The following PAK5 variants were observed in gnomAD, a reference collection of about 807,000 sequenced individuals.
PAK5 encodes the protein serine/threonine-protein kinase PAK 5.
PAK5 carries 16 observed loss-of-function variants against 65.9 expected under a neutral mutation model. That is an observed-to-expected ratio of 0.24 (90% CI 0.16 to 0.37). The LOEUF (loss-of-function observed/expected upper bound fraction) is 0.37, where lower values mean the gene tolerates loss of function less well. Among genes scored for constraint, PAK5 ranks in the 10% least tolerant of loss-of-function variants. The pLI, the probability that PAK5 is intolerant of heterozygous loss-of-function variation, is 1.00. For missense variants in PAK5, 785 were observed against 903.9 expected (o/e 0.87, Z 1.69); for synonymous variants, 371 against 354.9 (o/e 1.05, Z -0.51).
intron 9 of PAK5, 26 bp downstream of exon 9, chr20:9,542,560 C>G (rs1250889022): frequency 6.2e-7 from 1 of 1,613,674 alleles, no homozygotes; most frequent in Admixed American, 1.7e-5. Context: ...CTATTCTGAA[C>G]TTTAGCAACA....
intron 1 of PAK5, among the ~76,000 whole-genome samples, chr20:9,749,098 T>C: frequency 6.6e-6 from 1 of 152,164 alleles, no homozygotes; most frequent in East Asian, 1.9e-4. Flanking sequence ...GTATGAATAA[T>C]ATGAAAGCAA....
At chr20:9,802,712 CA>C (rs2039540427) in intron 1 of PAK5, among the ~76,000 whole-genome samples, 1 of 151,206 alleles carries the variant, frequency 6.6e-6, no homozygotes, top group Non-Finnish European at 1.5e-5. Context: ...GGGCATTGGA[CA>C]GGGGTGGGAA....
At chr20:9,634,496 G>A (rs949457190) in intron 3 of PAK5, among the ~76,000 whole-genome samples, 2 of 152,164 alleles carry the variant, frequency 1.3e-5, no homozygotes, top group African/African-American at 4.8e-5. Context: ...AAACACTAAT[G>A]TAAACAAAGT....
At chr20:9,585,114 T>G (rs1227226162) in intron 3 of PAK5, among the ~76,000 whole-genome samples, 2 of 152,226 alleles carry the variant, frequency 1.3e-5, no homozygotes. Context: ...CAATGTTACC[T>G]TTAGCTCTAT....
At chr20:9,559,670 C>T (rs926496706) in intron 6 of PAK5, among the ~76,000 whole-genome samples, 12 of 152,016 alleles carry the variant, frequency 7.9e-5, no homozygotes, top group East Asian at 3.9e-4. Flanking sequence ...GGTTGAAACA[C>T]GAGAATTGCT....
intron 6 of PAK5, among the ~76,000 whole-genome samples, chr20:9,562,442 T>C (rs577292865): frequency 6.6e-6 from 1 of 152,300 alleles, no homozygotes; most frequent in Admixed American, 6.5e-5. Context: ...AAAACAGAAT[T>C]GCAGAATTTC....
intron 1 of PAK5, among the ~76,000 whole-genome samples, chr20:9,786,170 C>T (rs1039092055): frequency 2.0e-5 from 3 of 152,100 alleles, no homozygotes; most frequent in Non-Finnish European, 4.4e-5. Context: ...TTGAGTGTCC[C>T]TTTTTAAGAG....
At chr20:9,605,309 T>C (rs1249487237) in intron 3 of PAK5, among the ~76,000 whole-genome samples, 2 of 152,152 alleles carry the variant, frequency 1.3e-5, no homozygotes, top group Non-Finnish European at 2.9e-5. Flanking sequence ...GAGAAACTGT[T>C]AGTGTGCATG....
chr20:9,756,051 A>G (rs181749597), intron 1 of PAK5, among the ~76,000 whole-genome samples: 1 of 152,284 alleles, frequency 6.6e-6, no homozygotes, highest in Admixed American at 6.5e-5. Flanking sequence ...GGCCCACAGG[A>G]AGTGTTCAGT....
At chr20:9,547,523 A>G (rs1278919062) in intron 7 of PAK5, among the ~76,000 whole-genome samples, 1 of 152,214 alleles carries the variant, frequency 6.6e-6, no homozygotes, top group Non-Finnish European at 1.5e-5. Flanking sequence ...TGGTTAGGCC[A>G]CTTTGCCAAG....
At chr20:9,590,080 T>C (rs2046139935) in intron 3 of PAK5, among the ~76,000 whole-genome samples, 1 of 152,086 alleles carries the variant, frequency 6.6e-6, no homozygotes, top group African/African-American at 2.4e-5. Flanking sequence ...TTCAAACTCC[T>C]GGGCTCAAGT....
rs1218662289 is a variant in PAK5, at chr20:9,538,403, C to G, written c.*1059G>C. ...GACAAGAGTTTGGTGTGCTAGCATA[C>G]AGAGTTTTAAAAATGGTGACAAATG... On this transcript the variant is annotated 3_prime_UTR_variant, in exon 10 of 10. Coordinates refer to ENST00000353224, the MANE Select transcript of PAK5 (RefSeq NM_177990.4). The G allele has an allele frequency of 4.3e-6, 1 of 233,460 alleles. No individual in the cohort carries two copies. The highest frequency in any genetic ancestry group is 2.2e-5 in the African/African-American group (1 of 45,330). The allele number at this position is 233,460 out of a possible 1,614,324, so 14.5% of individuals were successfully genotyped here.
intron 2 of PAK5, among the ~76,000 whole-genome samples, chr20:9,668,785 C>T (rs1243020531): frequency 2.0e-5 from 3 of 152,144 alleles, no homozygotes; most frequent in Non-Finnish European, 4.4e-5. Flanking sequence ...TATTAAGATG[C>T]TTTCAGTTTT....
intron 1 of PAK5, among the ~76,000 whole-genome samples, chr20:9,770,516 T>C (rs566904834): frequency 1.3e-5 from 2 of 152,212 alleles, no homozygotes; most frequent in East Asian, 3.9e-4. Flanking sequence ...GCCAGCACAA[T>C]GGTGTGTTTC....
intron 6 of PAK5, among the ~76,000 whole-genome samples, chr20:9,560,386 G>A (rs940250586): frequency 1.3e-5 from 2 of 152,182 alleles, no homozygotes; most frequent in Non-Finnish European, 2.9e-5. Flanking sequence ...TTGAGATAGA[G>A]TCTTGCTCTG....
At chr20:9,625,050 A>G (rs1235587111) in intron 3 of PAK5, among the ~76,000 whole-genome samples, 2 of 152,110 alleles carry the variant, frequency 1.3e-5, no homozygotes, top group Non-Finnish European at 2.9e-5. Context: ...AAGTATTATT[A>G]CTACCACTAC....
chr20:9,744,581 T>A (rs2048485768), intron 1 of PAK5, among the ~76,000 whole-genome samples: 1 of 152,162 alleles, frequency 6.6e-6, no homozygotes, highest in Non-Finnish European at 1.5e-5. Flanking sequence ...ATTGACTAAA[T>A]GGGGGATTGT....
intron 7 of PAK5, among the ~76,000 whole-genome samples, chr20:9,545,893 CT>C (rs2045336671): frequency 6.6e-6 from 1 of 152,020 alleles, no homozygotes; most frequent in South Asian, 2.1e-4. Context: ...ACTCTTGTCT[CT>C]ATCTCACCCC....
chr20:9,690,579 G>C (rs1280644813), intron 2 of PAK5, among the ~76,000 whole-genome samples: 1 of 151,842 alleles, frequency 6.6e-6, no homozygotes, highest in African/African-American at 2.4e-5. Context: ...GACCTTCTCT[G>C]GAGAGAAGGT....
Sources: gnomAD v4.1 joint callset for allele counts (sites outside exome capture counted in the v4.1 genomes callset) on GRCh38, gnomAD v4.1.1 for gene constraint, MANE v1.5 for transcripts, NCBI Gene and HGNC (gene_info 2026-07-23, HGNC 2026-07-21) for gene names.